Variants in WASF3 observed in about 807,000 individuals in gnomAD.
WASF3 encodes actin-binding protein WASF3.
In WASF3, 11 loss-of-function variants were observed where a neutral mutation model predicts 46.6. The observed-to-expected ratio is 0.24, with a 90% CI of 0.15 to 0.39. The LOEUF (loss-of-function observed/expected upper bound fraction) is 0.39, where lower values mean the gene tolerates loss of function less well. Among genes scored for constraint, WASF3 ranks in the 10% least tolerant of loss-of-function variants. The probability of loss-of-function intolerance (pLI) is 1.00; values close to 1 mark genes in which losing one functional copy is unlikely to be tolerated. For missense variants in WASF3, 576 were observed against 669.8 expected (o/e 0.86, Z 1.55); for synonymous variants, 242 against 259.7 (o/e 0.93, Z 0.65).
At chr13:26,674,461 C>T (rs538950924) in intron 6 of WASF3, among the ~76,000 whole-genome samples, 1 of 152,262 alleles carries the variant, frequency 6.6e-6, no homozygotes, top group African/African-American at 2.4e-5. Context: ...GTAAAATACT[C>T]AAATAGCACT....
At chr13:26,608,154 C>CAACAG (rs1880860422) in intron 1 of WASF3, among the ~76,000 whole-genome samples, 1 of 151,016 alleles carries the variant, frequency 6.6e-6, no homozygotes, top group African/African-American at 2.4e-5. Flanking sequence ...TGGCGAGGGA[C>CAACAG]TGTTAGCCCA....
chr13:26,675,873 C>G (rs1028343750), intron 6 of WASF3, among the ~76,000 whole-genome samples: 1 of 152,062 alleles, frequency 6.6e-6, no homozygotes, highest in East Asian at 1.9e-4. Flanking sequence ...CCTTAAAGAT[C>G]ATAAAATTTT....
At chr13:26,652,343 C>T (rs1386499232) in intron 3 of WASF3, among the ~76,000 whole-genome samples, 2 of 152,028 alleles carry the variant, frequency 1.3e-5, no homozygotes, top group Non-Finnish European at 2.9e-5. Context: ...TGTATATGTA[C>T]CTAACAAGAG....
At chr13:26,582,343 C>T (rs573428097) in intron 1 of WASF3, among the ~76,000 whole-genome samples, 63 of 152,070 alleles carry the variant, frequency 4.1e-4, no homozygotes, top group African/African-American at 1.5e-3. Flanking sequence ...GATTCGGGGA[C>T]ATTTCTTAAC....
At chr13:26,540,362 C>G in the WASF3 span, among the ~76,000 whole-genome samples, 1 of 152,188 alleles carries the variant, frequency 6.6e-6, no homozygotes, top group Non-Finnish European at 1.5e-5. Flanking sequence ...CCTTGAAGGT[C>G]AGAGTCCTGG....
chr13:26,597,981 A>G (rs1366907909), intron 1 of WASF3, among the ~76,000 whole-genome samples: 1 of 152,218 alleles, frequency 6.6e-6, no homozygotes, highest in East Asian at 1.9e-4. Context: ...GTATATACCC[A>G]GTAATGGGAT....
intron 2 of WASF3, chr13:26,638,813 G>T (rs1370364162): frequency 2.6e-5 from 4 of 152,196 alleles, no homozygotes; most frequent in African/African-American, 9.6e-5. Flanking sequence ...GATGTTGGGA[G>T]GTATGGCCTA....
At chr13:26,555,655 G>A (rs1879081859), upstream of WASF3, among the ~76,000 whole-genome samples, 1 of 152,182 alleles carries the variant, frequency 6.6e-6, no homozygotes. Flanking sequence ...GGCATCCTGT[G>A]AGGATGAAGA....
intron 3 of WASF3, among the ~76,000 whole-genome samples, chr13:26,651,774 A>G (rs1882322601): frequency 1.3e-5 from 2 of 152,244 alleles, no homozygotes; most frequent in Admixed American, 6.5e-5. Context: ...TATGGCATTT[A>G]TAATGTATGT....
intron 2 of WASF3, among the ~76,000 whole-genome samples, chr13:26,639,393 T>C (rs956152397): frequency 2.6e-5 from 4 of 152,206 alleles, no homozygotes; most frequent in African/African-American, 9.7e-5. Flanking sequence ...AAGAGAAATA[T>C]ATATGTAAAT....
At chr13:26,590,575 G>A (rs1880260960) in intron 1 of WASF3, among the ~76,000 whole-genome samples, 1 of 152,196 alleles carries the variant, frequency 6.6e-6, no homozygotes, top group Non-Finnish European at 1.5e-5. Context: ...AGATCTCAAT[G>A]AGATTGTTAG....
chr13:26,651,712 C>A (rs1419271078), intron 3 of WASF3, among the ~76,000 whole-genome samples: 1 of 152,124 alleles, frequency 6.6e-6, no homozygotes, highest in African/African-American at 2.4e-5. Flanking sequence ...TAGAAAAGGT[C>A]ATCAATAATT....
chr13:26,607,973 A>G (rs1392440274), intron 1 of WASF3, among the ~76,000 whole-genome samples: 1 of 151,600 alleles, frequency 6.6e-6, no homozygotes, highest in Non-Finnish European at 1.5e-5. Flanking sequence ...AAGTGATTCC[A>G]TTCTGGTTTG....
chr13:26,599,546 G>A (rs560964655), intron 1 of WASF3, among the ~76,000 whole-genome samples: 17 of 152,230 alleles, frequency 1.1e-4, no homozygotes, highest in African/African-American at 4.1e-4. Context: ...GGAAAGAGTT[G>A]GCAAGTGGAT....
At chr13:26,671,259 C>T (rs535068892) in intron 5 of WASF3, among the ~76,000 whole-genome samples, 79 of 152,260 alleles carry the variant, frequency 5.2e-4, no homozygotes, top group African/African-American at 1.9e-3. Flanking sequence ...TTGCCTGTGA[C>T]AGTGCTTTAA....
intron 2 of WASF3, among the ~76,000 whole-genome samples, chr13:26,636,923 C>T (rs942498646): frequency 2.0e-5 from 3 of 152,202 alleles, no homozygotes; most frequent in Non-Finnish European, 2.9e-5. Flanking sequence ...AGGAGATACC[C>T]AGCATGCCTC....
intron 1 of WASF3, among the ~76,000 whole-genome samples, chr13:26,592,144 A>C (rs1305572262): frequency 6.6e-6 from 1 of 151,392 alleles, no homozygotes; most frequent in Non-Finnish European, 1.5e-5. Context: ...TCATGATATC[A>C]CCAATCTCTA....
intron 3 of WASF3, among the ~76,000 whole-genome samples, chr13:26,654,937 T>A (rs946606009): frequency 2.0e-5 from 3 of 152,186 alleles, no homozygotes; most frequent in Non-Finnish European, 2.9e-5. Flanking sequence ...TTTATGGAAT[T>A]CAATAGGAAC....
rs372287508 is a variant in WASF3, at chr13:26,680,256, C to T, written c.717-798C>T. On this transcript the variant is annotated intron_variant, in intron 7 of 9. Transcript: ENST00000335327. ...AGACTCAGACTGCCCCTGCTTCTGC[C>T]GCCATGAGAGGATGTACAGCCCCTC... 45 of 1,507,086 alleles carry T rather than the reference C, an allele frequency of 3.0e-5. No homozygotes were observed. In the African/African-American group the frequency reaches 3.1e-4, roughly 10 times the overall value. 93.4% of individuals were successfully genotyped at this position (1,507,086 alleles called of 1,614,324 possible).
Sources: allele counts gnomAD v4.1 joint callset (sites outside exome capture counted in the v4.1 genomes callset), GRCh38; gene constraint gnomAD v4.1.1; transcripts MANE v1.5; gene names NCBI Gene and HGNC (gene_info 2026-07-23, HGNC 2026-07-21).